The following PAX7 variants were observed in gnomAD, a reference collection of about 807,000 sequenced individuals.
PAX7 encodes paired box 7.
Under a neutral mutation model 50.7 loss-of-function variants are expected in PAX7, and 18 were observed. The observed-to-expected ratio is 0.36, with a 90% CI of 0.25 to 0.53. The LOEUF (loss-of-function observed/expected upper bound fraction) is 0.53. PAX7 is among the 20% of genes least tolerant of loss of function. The pLI, the probability that PAX7 is intolerant of heterozygous loss-of-function variation, is 0.93. For missense variants in PAX7, 644 were observed against 702.9 expected, an observed-to-expected ratio of 0.92 and a Z score of 0.95; for synonymous variants, 310 against 290.4, an observed-to-expected ratio of 1.07 and a Z score of -0.69.
rs1165484345 is a variant in PAX7, at chr1:18,744,808, T to C, written c.1403-6T>C. ...AATTTCTAGGAGAGTCTCTTCTTTT[T>C]TCCAGCTGCTGTTGATTATCTGGCC... On this transcript the variant is annotated splice_region_variant and splice_polypyrimidine_tract_variant and intron_variant, in intron 8 of 8. Coordinates refer to ENST00000420770, the MANE Select transcript of PAX7 (RefSeq NM_001135254.2). 6.5e-7 allele frequency: 1 copy of C among 1,536,976 alleles called. No individual in the cohort carries two copies. The highest frequency in any genetic ancestry group is 1.2e-5 in the South Asian group (1 of 83,770).
At chr1:18,740,433 C>T (rs1931070309) in intron 8 of PAX7, among the ~76,000 whole-genome samples, 1 of 152,220 alleles carries the variant, frequency 6.6e-6, no homozygotes, top group Non-Finnish European at 1.5e-5. Flanking sequence ...ACTCCTCCTC[C>T]ATGTCACGCA....
intron 4 of PAX7, among the ~76,000 whole-genome samples, chr1:18,637,537 C>T (rs2088181694): frequency 6.6e-6 from 1 of 152,240 alleles, no homozygotes; most frequent in African/African-American, 2.4e-5. Context: ...AGTGTTGTTT[C>T]AGTCTCCCTT....
At chr1:18,740,835 G>A (rs1931093282) in intron 8 of PAX7, among the ~76,000 whole-genome samples, 1 of 152,168 alleles carries the variant, frequency 6.6e-6, no homozygotes. Flanking sequence ...ATAAAATCCT[G>A]TCATCTGCAG....
intron 4 of PAX7, among the ~76,000 whole-genome samples, chr1:18,659,799 G>T (rs901174932): frequency 2.0e-5 from 3 of 152,150 alleles, no homozygotes; most frequent in Non-Finnish European, 4.4e-5. Context: ...GACTGGGATT[G>T]TTGCTCACCC....
intron 4 of PAX7, among the ~76,000 whole-genome samples, chr1:18,681,432 G>T (rs919179273): frequency 6.6e-6 from 1 of 152,054 alleles, no homozygotes; most frequent in African/African-American, 2.4e-5. Flanking sequence ...ACAGCTTGGC[G>T]CAGAAGAAAG....
chr1:18,651,821 GC>G (rs1186782004), intron 4 of PAX7, among the ~76,000 whole-genome samples: 12 of 19,266 alleles, frequency 6.2e-4, no homozygotes, highest in African/African-American at 1.6e-3. Flanking sequence ...TCCCCTCCCC[GC>G]CCCCCCCACC....
chr1:18,729,618 C>G (rs568356067), intron 7 of PAX7, among the ~76,000 whole-genome samples: 231 of 152,310 alleles, frequency 1.5e-3, no homozygotes, highest in Non-Finnish European at 3.0e-3. Flanking sequence ...ACTCATCGTC[C>G]TGGATTCAGT....
Position 18,735,818 on chromosome 1 carries a change from A to G in PAX7, c.1342A>G (p.Ser448Gly). 2 of 1,614,018 alleles carry G rather than the reference A, an allele frequency of 1.2e-6. No homozygotes were observed. The highest frequency in any genetic ancestry group is 8.5e-7 in the Non-Finnish European group (1 of 1,180,006). ...CCAGGCCTACTGCCCACCCACCTAC[A>G]GCACCACCGGCTACAGCGTGGACCC... is the stretch of plus-strand genomic sequence containing the variant. ...TSQAYCPPTY[S>G]TTGYSVDPVA... The change falls in exon 8 of 9, where the codon AGC becomes GGC. Residue 448 changes from serine (S) to glycine (G), a missense_variant. Transcript: ENST00000420770. The surrounding 1 kb of genome is among the most constrained non-coding windows in gnomAD (Gnocchi z 4.0).
chr1:18,681,122 G>T (rs1179028730), intron 4 of PAX7, among the ~76,000 whole-genome samples: 1 of 128,602 alleles, frequency 7.8e-6, no homozygotes, highest in Non-Finnish European at 1.6e-5. Flanking sequence ...AGCTGAGATT[G>T]TACCATTGCA....
At chr1:18,643,967 G>A (rs1040894152) in intron 4 of PAX7, among the ~76,000 whole-genome samples, 1 of 152,240 alleles carries the variant, frequency 6.6e-6, no homozygotes, top group Admixed American at 6.5e-5. Context: ...CATTCAGAGC[G>A]TTGCTAAATT....
intron 4 of PAX7, among the ~76,000 whole-genome samples, chr1:18,638,221 A>T (rs2088193779): frequency 6.6e-6 from 1 of 152,244 alleles, no homozygotes; most frequent in African/African-American, 2.4e-5. Flanking sequence ...AAGCACAAAT[A>T]GGTAAATTTC....
At chr1:18,659,649 G>A (rs1057105865) in intron 4 of PAX7, among the ~76,000 whole-genome samples, 1 of 152,192 alleles carries the variant, frequency 6.6e-6, no homozygotes, top group African/African-American at 2.4e-5. Flanking sequence ...TAGCCAGGTG[G>A]AGGGAAAACT....
chr1:18,747,019 A>G lies in PAX7; in HGVS notation c.*2090A>G, dbSNP rs1388098413. 1 of 230,716 alleles carries G rather than the reference A, an allele frequency of 4.3e-6. No individual in the cohort carries two copies. The highest frequency in any genetic ancestry group is 2.2e-5 in the African/African-American group (1 of 45,128). 14.3% of individuals were successfully genotyped at this position (230,716 alleles called of 1,614,324 possible). The stretch of plus-strand genomic sequence containing the variant: ...CTTCAAGCTCGGGACAAAAAAGAAG[A>G]CTCTGTTGTCCCTTGGTAACCCAGT... On this transcript the variant is annotated 3_prime_UTR_variant, in exon 9 of 9. Transcript: ENST00000420770.
chr1:18,667,736 A>G (rs1446060983), intron 4 of PAX7, among the ~76,000 whole-genome samples: 2 of 152,114 alleles, frequency 1.3e-5, no homozygotes, highest in African/African-American at 2.4e-5. Context: ...ACCTTCCTGC[A>G]TCACACCCAG....
At chr1:18,733,881 C>T (rs981431149) in intron 7 of PAX7, among the ~76,000 whole-genome samples, 2 of 152,178 alleles carry the variant, frequency 1.3e-5, no homozygotes, top group Non-Finnish European at 2.9e-5. Context: ...AGGGAAGCCA[C>T]GGCCCCTTTG....
rs777719287 is a variant in PAX7 at position 18,735,107 on chromosome 1, C to T, written c.1156-525C>T. Among the ~76,000 whole-genome samples the T allele has an allele frequency of 6.6e-6, 1 of 152,172 alleles. No homozygotes were observed. Among genetic ancestry groups the T allele is most frequent in the Non-Finnish European group, 1.5e-5 (1 of 68,036 alleles). On this transcript the variant is annotated intron_variant, in intron 7 of 8. Coordinates refer to ENST00000420770, the MANE Select transcript of PAX7 (RefSeq NM_001135254.2). The surrounding 1 kb of genome is among the most constrained non-coding windows in gnomAD (Gnocchi z 4.0). ...TTCAGTGTCGAAGGGGCAGGAACCT[C>T]AGAGTCCGGAGGAGTGGCAGGCAGA...
In PAX7 at chr1:18,735,908, G is replaced by T. The variant is rs142723466; in HGVS notation, c.1402+30G>T. 59 of 1,613,618 alleles carry T rather than the reference G, an allele frequency of 3.7e-5. No homozygotes were observed. The African/African-American group carries it at 6.9e-4, about 19-fold the overall frequency. On this transcript the variant is annotated intron_variant, in intron 8 of 8. Transcript: ENST00000420770. This position sits in a 1 kb window ranked among gnomAD's most constrained non-coding sequence, Gnocchi z 4.0. Reference sequence around the variant, plus strand: ...GTGCCTGGTGCCCTGGGCGTCCCCCGTCCCCATTCCTTCTCCCACCCCCAG... The same window carrying T: ...GTGCCTGGTGCCCTGGGCGTCCCCCTTCCCCATTCCTTCTCCCACCCCCAG...
intron 4 of PAX7, among the ~76,000 whole-genome samples, chr1:18,683,174 C>T (rs891437648): frequency 3.3e-5 from 5 of 152,172 alleles, no homozygotes; most frequent in African/African-American, 9.7e-5. Flanking sequence ...GTTGATTTCA[C>T]CTTTGAACTC....
chr1:18,700,670 C>T lies in PAX7; in HGVS notation c.804C>T (p.Arg268=). ...EARVQVWFSN[R]RARWRKQAGA... is the part of the protein sequence containing the mutation. ...CCTCCCAGGTCTGGTTCAGTAACCG[C>T]CGCGCCCGTTGGCGTAAGCAGGCAG... The change falls in exon 6 of 9, where the codon CGC becomes CGT. Residue 268 remains arginine (R), a synonymous_variant. Coordinates refer to ENST00000420770, the MANE Select transcript of PAX7 (RefSeq NM_001135254.2). This position sits in a 1 kb window ranked among gnomAD's most constrained non-coding sequence, Gnocchi z 4.8. The T allele has an allele frequency of 3.2e-6, 5 of 1,571,994 alleles. No individual in the cohort carries two copies. The highest frequency in any genetic ancestry group is 4.3e-6 in the Non-Finnish European group (5 of 1,160,564).
Sources: gnomAD v4.1 joint callset for allele counts (sites outside exome capture counted in the v4.1 genomes callset) on GRCh38, gnomAD v4.1.1 for gene constraint, Gnocchi (gnomAD v3.1) non-coding constraint, MANE v1.5 for transcripts, NCBI Gene and HGNC (gene_info 2026-07-23, HGNC 2026-07-21) for gene names.